The following CACNA2D4 variants were observed in gnomAD, a reference collection of about 807,000 sequenced individuals.
CACNA2D4 encodes calcium voltage-gated channel auxiliary subunit alpha2delta 4.
A neutral mutation model predicts 163.8 loss-of-function variants in CACNA2D4; 157 were observed. The ratio of observed to expected loss-of-function variants is 0.96; its 90% CI spans 0.84 to 1.09. The LOEUF is 1.09. CACNA2D4 is among the 50% of genes least tolerant of loss of function. The probability of loss-of-function intolerance (pLI) is 0.00; values close to 1 mark genes in which losing one functional copy is unlikely to be tolerated. For synonymous variants in CACNA2D4, 598 were observed against 586.9 expected, an observed-to-expected ratio of 1.02 and a Z score of -0.27; for missense variants, 1,410 against 1,479.9, an observed-to-expected ratio of 0.95 and a Z score of 0.78.
At chr12:1,814,201 CATGAGATTTCTGAGCTGGAAGGA>C (rs1443013773) in intron 26 of CACNA2D4, among the ~76,000 whole-genome samples, 1 of 152,096 alleles carries the variant, frequency 6.6e-6, no homozygotes, top group African/African-American at 2.4e-5. Context: ...CGCATAGAAT[CATGAGATTTCTGAGCTGGAAGGA>C]ATTCTACGAT....
At chr12:1,876,713 A>G (rs1211799717) in intron 16 of CACNA2D4, among the ~76,000 whole-genome samples, 1 of 151,966 alleles carries the variant, frequency 6.6e-6, no homozygotes, top group Non-Finnish European at 1.5e-5. Context: ...CCATGCCTGG[A>G]TCATGCTTCT....
chr12:1,855,696 A>G (rs1462189726), intron 22 of CACNA2D4, among the ~76,000 whole-genome samples: 14 of 152,240 alleles, frequency 9.2e-5, no homozygotes. Context: ...GAAAAAGATG[A>G]CAGACTCTGA....
In CACNA2D4 at chr12:1,809,374, G is replaced by A; in HGVS notation, c.2721+904C>T. The A allele has an allele frequency of 6.5e-6, 4 of 612,478 alleles. No homozygotes were observed. In the South Asian group the frequency reaches 7.9e-5, roughly 12 times the overall value. 37.9% of individuals were successfully genotyped at this position (612,478 alleles called of 1,614,324 possible). A position where few individuals can be genotyped will look rare whatever the true frequency, so the allele number is the denominator to read the frequency against. On this transcript the variant is annotated intron_variant, in intron 29 of 37. Transcript: ENST00000382722. ...CAGCCCCCGGCGAGACACAGCTAAT[G>A]GAAGTCGCTTGCCCACATCACGTTT...
At chr12:1,840,032 C>G (rs1352984948) in intron 26 of CACNA2D4, among the ~76,000 whole-genome samples, 1 of 152,184 alleles carries the variant, frequency 6.6e-6, no homozygotes, top group Non-Finnish European at 1.5e-5. Context: ...TGCAAAAGAG[C>G]TTTCGCAAGC....
intron 6 of CACNA2D4, among the ~76,000 whole-genome samples, chr12:1,902,631 T>C (rs1480504007): frequency 6.6e-6 from 1 of 151,730 alleles, no homozygotes; most frequent in African/African-American, 2.4e-5. Context: ...ACAAATAAAA[T>C]AAAATACCTG....
chr12:1,862,509 G>A (rs1326631592), intron 18 of CACNA2D4, among the ~76,000 whole-genome samples: 4 of 152,118 alleles, frequency 2.6e-5, no homozygotes, highest in Non-Finnish European at 5.9e-5. Flanking sequence ...AGCTTCCCGG[G>A]TTCAAGCAAT....
chr12:1,794,037 T>C (rs1179378268), intron 37 of CACNA2D4, among the ~76,000 whole-genome samples: 1 of 152,022 alleles, frequency 6.6e-6, no homozygotes, highest in African/African-American at 2.4e-5. Context: ...TGGGAGCATC[T>C]CTGATGGGGG....
chr12:1,793,822 G>T, intron 37 of CACNA2D4, 63 bp from the exon 38 acceptor site: 2 of 1,388,212 alleles, frequency 1.4e-6, no homozygotes, highest in Non-Finnish European at 2.0e-6. Context: ...AAAGGGAGGG[G>T]CTTCCACCAC....
At chr12:1,860,314 C>T (rs1180440581) in intron 18 of CACNA2D4, 108 bp from the exon 19 acceptor site, 16 of 777,046 alleles carry the variant, frequency 2.1e-5, no homozygotes, top group Middle Eastern at 2.9e-4. Context: ...ACAGTCCCTC[C>T]GCCTTCTTGT....
At chr12:1,890,609 C>T (rs1866256980) in intron 6 of CACNA2D4, among the ~76,000 whole-genome samples, 2 of 152,204 alleles carry the variant, frequency 1.3e-5, no homozygotes, top group Admixed American at 6.5e-5. Flanking sequence ...CCTCACCCTC[C>T]CCAATAGCAG....
At chr12:1,840,472 G>C (rs1315075979) in intron 26 of CACNA2D4, among the ~76,000 whole-genome samples, 2 of 151,510 alleles carry the variant, frequency 1.3e-5, no homozygotes, top group African/African-American at 4.9e-5. Flanking sequence ...GCGGGGGGCT[G>C]GGCTGCAGTC....
chr12:1,846,450 A>G, intron 24 of CACNA2D4, 144 bp downstream of exon 24: 1 of 649,358 alleles, frequency 1.5e-6, no homozygotes, highest in African/African-American at 1.8e-5. Context: ...GTCAATCCCG[A>G]TCCTTCTGCC....
Position 1,879,006 on chromosome 12 carries a change from CCACCA to C in CACNA2D4, c.1589_1593del (p.Val530GlyfsTer54), listed in dbSNP as rs772592088. The C allele has an allele frequency of 8.1e-6, 13 of 1,613,748 alleles. No individual in the cohort carries two copies. The highest frequency in any genetic ancestry group is 1.1e-5 in the Non-Finnish European group (13 of 1,179,862). ...AGCTCTCTCAGGGCCACATCTGAGCCCACCACACCCAGGAGAATGCCATGGGATCG... is the reference window on the plus strand; with the variant it reads ...AGCTCTCTCAGGGCCACATCTGAGCCCACCCAGGAGAATGCCATGGGATCG... On this transcript the variant is annotated frameshift_variant, in exon 15 of 38. Transcript: ENST00000382722. LOFTEE classifies it high-confidence loss of function.
At chr12:1,801,665 A>G (rs1382177816) in intron 29 of CACNA2D4, 21 bp from the exon 30 acceptor site, 2 of 1,532,970 alleles carry the variant, frequency 1.3e-6, no homozygotes, top group Non-Finnish European at 1.8e-6. Flanking sequence ...GGGACAGCAG[A>G]GAGAGAGGGA....
chr12:1,800,289 G>T, intron 32 of CACNA2D4, 97 bp downstream of exon 32: 1 of 1,350,528 alleles, frequency 7.4e-7, no homozygotes, highest in Non-Finnish European at 1.1e-6. Flanking sequence ...TAGCAAGTGG[G>T]TTGTCCTGGA....
intron 26 of CACNA2D4, among the ~76,000 whole-genome samples, chr12:1,815,325 C>T (rs1397864501): frequency 2.0e-5 from 3 of 151,446 alleles, no homozygotes; most frequent in Admixed American, 6.5e-5. Context: ...TTTGTACCAG[C>T]TGTTCTCTCC....
chr12:1,793,644 G>C lies in CACNA2D4; in HGVS notation c.*11C>G. Reference sequence around the variant, plus strand: ...ATCACCTTGCCAAAACACAGGTCAGGCTGGGTGGTGTCACCGCAGGAGTTG... The same window carrying C: ...ATCACCTTGCCAAAACACAGGTCAGCCTGGGTGGTGTCACCGCAGGAGTTG... On this transcript the variant is annotated 3_prime_UTR_variant, in exon 38 of 38. Coordinates refer to ENST00000382722, the MANE Select transcript of CACNA2D4 (RefSeq NM_172364.5). 6.2e-7 allele frequency: 1 copy of C among 1,610,716 alleles called. No individual in the cohort carries two copies. Among genetic ancestry groups the C allele is most frequent in the Admixed American group, 1.7e-5 (1 of 60,028 alleles).
chr12:1,891,355 T>G (rs755751845), intron 6 of CACNA2D4, among the ~76,000 whole-genome samples: 4 of 152,198 alleles, frequency 2.6e-5, no homozygotes, highest in Non-Finnish European at 5.9e-5. Context: ...ATATTGAGAC[T>G]ACACTACTGC....
chr12:1,852,766 T>C (rs1282218387), intron 23 of CACNA2D4, among the ~76,000 whole-genome samples: 3 of 152,154 alleles, frequency 2.0e-5, no homozygotes, highest in Admixed American at 2.0e-4. Flanking sequence ...CAGCCCTCTG[T>C]AGAAGGCACA....
Sources: gnomAD v4.1 joint callset for allele counts (sites outside exome capture counted in the v4.1 genomes callset) on GRCh38, gnomAD v4.1.1 for gene constraint, MANE v1.5 for transcripts, NCBI Gene and HGNC (gene_info 2026-07-23, HGNC 2026-07-21) for gene names.